The following LRP1B variants were observed in gnomAD, a reference collection of about 807,000 sequenced individuals.
The protein encoded by LRP1B is LDL receptor related protein 1B.
Under a neutral mutation model 556.6 loss-of-function variants are expected in LRP1B, and 217 were observed. The ratio of observed to expected loss-of-function variants is 0.39; its 90% CI spans 0.35 to 0.44. The LOEUF (loss-of-function observed/expected upper bound fraction) is 0.44, where lower values mean the gene tolerates loss of function less well. Among genes scored for constraint, LRP1B ranks in the 20% least tolerant of loss-of-function variants. LRP1B has a pLI of 1.00. For synonymous variants in LRP1B, 2,047 were observed against 1,865.8 expected (o/e 1.10, Z -2.50); for missense variants, 5,053 against 5,620.8 (o/e 0.90, Z 3.23).
At chr2:141,376,848 C>A (rs1689457033) in intron 3 of LRP1B, among the ~76,000 whole-genome samples, 2 of 152,038 alleles carry the variant, frequency 1.3e-5, no homozygotes, top group African/African-American at 4.8e-5. Context: ...TGCTCTTTCC[C>A]ACTTTCTATT....
At chr2:141,874,083 AATTTTTTTT>A (rs1383043612) in intron 1 of LRP1B, among the ~76,000 whole-genome samples, 1 of 121,434 alleles carries the variant, frequency 8.2e-6, no homozygotes, top group Non-Finnish European at 1.7e-5. Context: ...ATGAACTAAC[AATTTTTTTT>A]TTTTTTTTTT....
intron 43 of LRP1B, among the ~76,000 whole-genome samples, chr2:140,542,212 TTTAA>T (rs1314525039): frequency 6.6e-6 from 1 of 152,114 alleles, no homozygotes; most frequent in Non-Finnish European, 1.5e-5. Context: ...TATACTTTTA[TTTAA>T]TTATTCAATG....
intron 7 of LRP1B, among the ~76,000 whole-genome samples, chr2:141,100,152 C>T (rs989832108): frequency 6.6e-6 from 1 of 152,110 alleles, no homozygotes; most frequent in Non-Finnish European, 1.5e-5. Context: ...ACCTAATATA[C>T]CAGACTTTAA....
At chr2:140,497,845 C>A (rs1689010471) in intron 55 of LRP1B, among the ~76,000 whole-genome samples, 3 of 151,774 alleles carry the variant, frequency 2.0e-5, no homozygotes, top group Non-Finnish European at 4.4e-5. Flanking sequence ...AAATTAATTT[C>A]TGGAAGGTAA....
chr2:140,249,047 A>T lies in LRP1B; in HGVS notation c.13248-1885T>A, dbSNP rs1472404506. On this transcript the variant is annotated intron_variant, in intron 86 of 90. Transcript: ENST00000389484. ...TTTATACATTATCTCATTTAAAAGA[A>T]AAAAAAAACTAAATCAGGTTCATCT... Among the ~76,000 whole-genome samples the T allele has an allele frequency of 1.1e-3, 3 of 2,626 alleles. No individual in the cohort carries two copies. The Non-Finnish European group carries it at 0.023, about 20-fold the overall frequency. The allele number at this position is 2,626 out of a possible 152,430, so 1.7% of individuals were successfully genotyped here.
intron 2 of LRP1B, among the ~76,000 whole-genome samples, chr2:141,783,625 T>C (rs925813589): frequency 6.6e-6 from 1 of 151,950 alleles, no homozygotes; most frequent in Non-Finnish European, 1.5e-5. Flanking sequence ...TCAAGGAATA[T>C]TGTGTTATTT....
chr2:141,401,408 T>C (rs1240614968), intron 3 of LRP1B, among the ~76,000 whole-genome samples: 1 of 152,132 alleles, frequency 6.6e-6, no homozygotes, highest in African/African-American at 2.4e-5. Context: ...TTTAAATACA[T>C]CACTAACTGC....
intron 2 of LRP1B, among the ~76,000 whole-genome samples, chr2:141,688,021 A>C (rs1024417929): frequency 6.6e-6 from 1 of 150,486 alleles, no homozygotes; most frequent in South Asian, 2.1e-4. Context: ...AAAAAAAAAA[A>C]CTCTTAAAAT....
chr2:141,371,816 G>A (rs1332885929), intron 3 of LRP1B, among the ~76,000 whole-genome samples: 1 of 152,042 alleles, frequency 6.6e-6, no homozygotes, highest in African/African-American at 2.4e-5. Flanking sequence ...TAAGTGAACA[G>A]AGATAATTTG....
At chr2:141,398,117 A>G (rs1690310296) in intron 3 of LRP1B, among the ~76,000 whole-genome samples, 1 of 152,164 alleles carries the variant, frequency 6.6e-6, no homozygotes, top group African/African-American at 2.4e-5. Context: ...ACAAATAAAC[A>G]TATGCATCCA....
intron 41 of LRP1B, among the ~76,000 whole-genome samples, chr2:140,675,836 A>G (rs150822269): frequency 6.6e-6 from 1 of 152,308 alleles, no homozygotes; most frequent in Non-Finnish European, 1.5e-5. Context: ...ACACATATAT[A>G]TGTACATATA....
At chr2:140,426,594 C>T (rs1278911482) in intron 66 of LRP1B, among the ~76,000 whole-genome samples, 5 of 152,168 alleles carry the variant, frequency 3.3e-5, no homozygotes, top group Non-Finnish European at 5.9e-5. Context: ...CTACTGAGCA[C>T]CTTGTGACCC....
chr2:140,849,198 T>TAGAAAAAAAAAAAAAAAAAAAA (rs1352302960), intron 29 of LRP1B, among the ~76,000 whole-genome samples: 1 of 16,918 alleles, frequency 5.9e-5, no homozygotes, highest in African/African-American at 1.4e-4. Context: ...CTACTAAAAA[T>TAGAAAAAAAAAAAAAAAAAAAA]ACAAAAAAAA....
intron 6 of LRP1B, among the ~76,000 whole-genome samples, chr2:141,214,507 C>T (rs1002758675): frequency 2.0e-5 from 3 of 152,172 alleles, no homozygotes; most frequent in African/African-American, 7.2e-5. Flanking sequence ...AGCAGAGCTT[C>T]CTTCACTGGA....
At chr2:141,816,408 G>C (rs1053419801) in intron 1 of LRP1B, among the ~76,000 whole-genome samples, 2 of 152,286 alleles carry the variant, frequency 1.3e-5, no homozygotes, top group East Asian at 1.9e-4. Flanking sequence ...CTTCTGGCCT[G>C]CATCTTTCTC....
intron 11 of LRP1B, among the ~76,000 whole-genome samples, chr2:141,022,268 G>A (rs1698086275): frequency 6.6e-6 from 1 of 150,406 alleles, no homozygotes; most frequent in African/African-American, 2.5e-5. Flanking sequence ...ATTTTTTAAG[G>A]TTGTTTTCTG....
At chr2:141,079,042 A>G (rs1460121978) in intron 7 of LRP1B, among the ~76,000 whole-genome samples, 1 of 151,970 alleles carries the variant, frequency 6.6e-6, no homozygotes, top group Admixed American at 6.5e-5. Context: ...AATGTACTAT[A>G]CTCAATTTCC....
Position 140,248,077 on chromosome 2 carries a change from G to T in LRP1B, c.13248-915C>A, listed in dbSNP as rs1308081995. ...CATTCCAAGTGGAACTCTGGGCATGGTGGGCCAAACTAAATAACTGCAATT... is the reference window on the plus strand; with the variant it reads ...CATTCCAAGTGGAACTCTGGGCATGTTGGGCCAAACTAAATAACTGCAATT... On this transcript the variant is annotated intron_variant, in intron 86 of 90. Transcript: ENST00000389484. Among the ~76,000 whole-genome samples the T allele has an allele frequency of 2.0e-5, 3 of 151,702 alleles. No individual in the cohort carries two copies. The East Asian group carries it at 5.9e-4, about 30-fold the overall frequency.
intron 2 of LRP1B, among the ~76,000 whole-genome samples, chr2:141,490,283 G>A (rs55659265): frequency 0.093 from 14,110 of 151,816 alleles, 929 homozygotes; most frequent in African/African-American, 0.18. Flanking sequence ...GTATTATTAT[G>A]AATATAAACA....
Sources: allele counts gnomAD v4.1 joint callset (sites outside exome capture counted in the v4.1 genomes callset), GRCh38; gene constraint gnomAD v4.1.1; transcripts MANE v1.5; gene names NCBI Gene and HGNC (gene_info 2026-07-23, HGNC 2026-07-21).